Variants in MBD5 observed in about 807,000 individuals in gnomAD.
The protein encoded by MBD5 is methyl-CpG binding domain protein 5, also known as methyl-CpG-binding domain protein 5.
Under a neutral mutation model 117.3 loss-of-function variants are expected in MBD5, and 13 were observed. The observed-to-expected ratio is 0.11, with a 90% confidence interval of 0.07 to 0.18. The LOEUF is 0.18. MBD5 is among the 10% of genes least tolerant of loss of function. The pLI is 1.00. For synonymous variants in MBD5, 727 were observed against 766.4 expected (o/e 0.95, Z 0.85); for missense variants, 1,879 against 2,093.8 (o/e 0.90, Z 2.00).
At chr2:148,206,314 A>G (rs1254300196) in intron 2 of MBD5, among the ~76,000 whole-genome samples, 1 of 152,198 alleles carries the variant, frequency 6.6e-6, no homozygotes, top group Admixed American at 6.5e-5. Context: ...AGAAAAATTA[A>G]TGTAAGTGGA....
intron 1 of MBD5, among the ~76,000 whole-genome samples, chr2:148,150,662 T>A (rs1278631358): frequency 6.6e-6 from 1 of 151,916 alleles, no homozygotes; most frequent in African/African-American, 2.4e-5. Flanking sequence ...TTCACATCCC[T>A]TGTAAGTTGG....
At chr2:148,227,789 T>C (rs1699871964) in intron 2 of MBD5, among the ~76,000 whole-genome samples, 1 of 152,226 alleles carries the variant, frequency 6.6e-6, no homozygotes. Context: ...TTTTATTTCC[T>C]TGAGCAGTGG....
intron 4 of MBD5, among the ~76,000 whole-genome samples, chr2:148,433,471 A>C (rs549422492): frequency 1.3e-5 from 2 of 152,276 alleles, no homozygotes; most frequent in South Asian, 4.1e-4. Flanking sequence ...ATTCAGTATG[A>C]TATTGGCTGT....
At chr2:148,162,184 G>A (rs1338242595) in intron 1 of MBD5, among the ~76,000 whole-genome samples, 2 of 152,208 alleles carry the variant, frequency 1.3e-5, no homozygotes, top group African/African-American at 4.8e-5. Flanking sequence ...TCTAAGGCAT[G>A]TGCCTACACT....
chr2:148,382,847 G>A (rs1212487770), intron 4 of MBD5, among the ~76,000 whole-genome samples: 1 of 151,942 alleles, frequency 6.6e-6, no homozygotes, highest in Admixed American at 6.6e-5. Flanking sequence ...ACCTGCTCCT[G>A]AATGACTACT....
chr2:148,140,107 CTA>C (rs1697276369), intron 1 of MBD5, among the ~76,000 whole-genome samples: 1 of 152,150 alleles, frequency 6.6e-6, no homozygotes, highest in Non-Finnish European at 1.5e-5. Context: ...AAGGATTTCT[CTA>C]TATTTGAAAT....
At position 148,103,437 on chromosome 2, in the gene MBD5, A is replaced by T. The variant is rs561286942; in HGVS notation, c.-924-75263A>T. ...TAAGATAAAAGTAGTGGTATGAGAT[A>T]CTCTCTCCGAAGCTCATCACTGATA... is the stretch of plus-strand genomic sequence containing the variant. On this transcript the variant is annotated intron_variant, in intron 1 of 13. Coordinates refer to ENST00000642680, the MANE Select transcript of MBD5 (RefSeq NM_001378120.1). Among the ~76,000 whole-genome samples the T allele has an allele frequency of 5.9e-5, 9 of 152,086 alleles. No individual in the cohort carries two copies. The East Asian group carries it at 1.7e-3, about 29-fold the overall frequency.
At chr2:148,227,448 G>C (rs542600588) in intron 2 of MBD5, among the ~76,000 whole-genome samples, 4 of 152,210 alleles carry the variant, frequency 2.6e-5, no homozygotes, top group Non-Finnish European at 5.9e-5. Flanking sequence ...ATTTCTGAGG[G>C]CTCTGTTCTG....
chr2:148,332,333 C>T (rs1334340544), intron 3 of MBD5, among the ~76,000 whole-genome samples: 1 of 152,110 alleles, frequency 6.6e-6, no homozygotes, highest in Non-Finnish European at 1.5e-5. Context: ...TCTGCTTTTC[C>T]TAAAATTAAT....
intron 7 of MBD5, among the ~76,000 whole-genome samples, chr2:148,464,345 C>G (rs1330317175): frequency 6.6e-6 from 1 of 151,996 alleles, no homozygotes; most frequent in Admixed American, 6.6e-5. Flanking sequence ...TTGCTGAAAA[C>G]TTTTTATATC....
chr2:148,198,486 A>G (rs565295120), intron 2 of MBD5, among the ~76,000 whole-genome samples: 1 of 152,282 alleles, frequency 6.6e-6, no homozygotes, highest in South Asian at 2.1e-4. Flanking sequence ...TGATATCATA[A>G]TATATAAAGA....
At chr2:148,332,786 G>A (rs1702693156) in intron 3 of MBD5, among the ~76,000 whole-genome samples, 1 of 152,004 alleles carries the variant, frequency 6.6e-6, no homozygotes, top group Admixed American at 6.6e-5. Flanking sequence ...CATTCAGCCA[G>A]GTACTCAGTG....
intron 1 of MBD5, among the ~76,000 whole-genome samples, chr2:148,029,239 A>C (rs1198665934): frequency 3.4e-5 from 5 of 149,156 alleles, no homozygotes; most frequent in African/African-American, 9.9e-5. Context: ...TTTTTTTTTT[A>C]CTAGAAGTAA....
At chr2:148,096,638 G>A (rs1696076699) in intron 1 of MBD5, among the ~76,000 whole-genome samples, 1 of 151,828 alleles carries the variant, frequency 6.6e-6, no homozygotes, top group Admixed American at 6.6e-5. Flanking sequence ...AGTATTATGG[G>A]GAAAAAAATA....
intron 3 of MBD5, among the ~76,000 whole-genome samples, chr2:148,327,759 G>A (rs546206009): frequency 3.3e-5 from 5 of 152,126 alleles, no homozygotes; most frequent in Admixed American, 6.5e-5. Flanking sequence ...TTTTTTCAAA[G>A]TTTTCAACTC....
intron 3 of MBD5, among the ~76,000 whole-genome samples, chr2:148,334,551 C>A (rs559534822): frequency 6.6e-6 from 1 of 152,034 alleles, no homozygotes; most frequent in East Asian, 1.9e-4. Flanking sequence ...CCAGGCTGAC[C>A]TCAAGCTCCT....
intron 3 of MBD5, among the ~76,000 whole-genome samples, chr2:148,250,301 G>A (rs911726626): frequency 4.6e-5 from 7 of 152,094 alleles, no homozygotes; most frequent in Admixed American, 2.6e-4. Context: ...ACATACACTG[G>A]GGCCTACTTG....
At chr2:148,067,143 T>C (rs1344735541) in intron 1 of MBD5, among the ~76,000 whole-genome samples, 1 of 152,232 alleles carries the variant, frequency 6.6e-6, no homozygotes, top group African/African-American at 2.4e-5. Flanking sequence ...ATGTAGGTAA[T>C]AGCTGTGCAA....
intron 1 of MBD5, among the ~76,000 whole-genome samples, chr2:148,028,828 T>C (rs1369857096): frequency 6.6e-6 from 1 of 152,120 alleles, no homozygotes; most frequent in Non-Finnish European, 1.5e-5. Flanking sequence ...TACGTGCTCC[T>C]GTAATATTCA....
Sources: gnomAD v4.1 joint callset for allele counts (sites outside exome capture counted in the v4.1 genomes callset) on GRCh38, gnomAD v4.1.1 for gene constraint, MANE v1.5 for transcripts, NCBI Gene and HGNC (gene_info 2026-07-23, HGNC 2026-07-21) for gene names.